The following FHIP1A variants were observed in gnomAD, a reference collection of about 807,000 sequenced individuals.
FHIP1A encodes the protein FHF complex subunit HOOK interacting protein 1A, also known as FHF complex subunit HOOK-interacting protein 1A.
A neutral mutation model predicts 88.6 loss-of-function variants in FHIP1A; 61 were observed. That is an observed-to-expected ratio of 0.69 (90% CI 0.56 to 0.85). The LOEUF (loss-of-function observed/expected upper bound fraction) is 0.85. Among genes scored for constraint, FHIP1A ranks in the 40% least tolerant of loss-of-function variants. The probability of loss-of-function intolerance (pLI) is 0.00; values close to 1 mark genes in which losing one functional copy is unlikely to be tolerated. For missense variants in FHIP1A, 1,154 were observed against 1,273.5 expected (o/e 0.91, Z 1.43); for synonymous variants, 478 against 496.0 (o/e 0.96, Z 0.48).
At chr4:151,528,530 A>G (rs1357933289) in intron 3 of FHIP1A, among the ~76,000 whole-genome samples, 4 of 152,234 alleles carry the variant, frequency 2.6e-5, no homozygotes, top group Admixed American at 1.3e-4. Flanking sequence ...TGCTCCAGAA[A>G]AGCTGGCATA....
chr4:151,514,734 T>C (rs12503389), intron 3 of FHIP1A, among the ~76,000 whole-genome samples: 17,302 of 149,350 alleles, frequency 0.12, 1,125 homozygotes, highest in African/African-American at 0.16. Flanking sequence ...GACACATACA[T>C]CCTCCGAAGA....
intron 2 of FHIP1A, among the ~76,000 whole-genome samples, chr4:151,465,999 A>C (rs1639024946): frequency 6.6e-6 from 1 of 152,204 alleles, no homozygotes; most frequent in African/African-American, 2.4e-5. Flanking sequence ...CCTATTCAAC[A>C]TAGAAATAAA....
At chr4:151,428,107 A>G (rs1422999257) in intron 1 of FHIP1A, among the ~76,000 whole-genome samples, 1 of 152,152 alleles carries the variant, frequency 6.6e-6, no homozygotes, top group East Asian at 1.9e-4. Context: ...GCAAAGAAGT[A>G]ATGTTTATTC....
At chr4:151,464,939 T>A (rs1349281396) in intron 2 of FHIP1A, among the ~76,000 whole-genome samples, 1 of 152,126 alleles carries the variant, frequency 6.6e-6, no homozygotes, top group Non-Finnish European at 1.5e-5. Context: ...TTGGGTGCCA[T>A]GGCTCATGGC....
chr4:151,477,090 A>G (rs1729735533), intron 2 of FHIP1A, among the ~76,000 whole-genome samples: 1 of 152,212 alleles, frequency 6.6e-6, no homozygotes, highest in South Asian at 2.1e-4. Flanking sequence ...AAATAACAAC[A>G]GGATTTTTGG....
chr4:151,591,616 C>G (rs1364074110), intron 7 of FHIP1A, among the ~76,000 whole-genome samples: 2 of 152,160 alleles, frequency 1.3e-5, no homozygotes, highest in Non-Finnish European at 1.5e-5. Context: ...CCCTGGCCCC[C>G]TGACAGGCCC....
intron 7 of FHIP1A, among the ~76,000 whole-genome samples, chr4:151,599,190 A>C (rs917696743): frequency 6.6e-6 from 1 of 152,244 alleles, no homozygotes; most frequent in Non-Finnish European, 1.5e-5. Flanking sequence ...CATAGGTAAT[A>C]TAGGAATTAG....
chr4:151,619,470 T>C (rs1276207879), intron 7 of FHIP1A, among the ~76,000 whole-genome samples: 2 of 152,178 alleles, frequency 1.3e-5, no homozygotes, highest in African/African-American at 2.4e-5. Context: ...AATATCAGAG[T>C]GCATTGCACT....
chr4:151,418,779 G>A (rs1180151307), intron 1 of FHIP1A, among the ~76,000 whole-genome samples: 1 of 152,072 alleles, frequency 6.6e-6, no homozygotes, highest in East Asian at 1.9e-4. Flanking sequence ...GGAGTTGAGA[G>A]TAACTCTGCA....
chr4:151,453,994 C>T (rs1216458696), intron 1 of FHIP1A, among the ~76,000 whole-genome samples: 1 of 152,112 alleles, frequency 6.6e-6, no homozygotes, highest in Non-Finnish European at 1.5e-5. Context: ...TTATGGGACA[C>T]TTTTTAAAAA....
intron 3 of FHIP1A, among the ~76,000 whole-genome samples, chr4:151,535,587 G>T (rs1054237872): frequency 6.6e-6 from 1 of 152,034 alleles, no homozygotes; most frequent in African/African-American, 2.4e-5. Context: ...ATGTGTATTT[G>T]TAACTACACA....
intron 1 of FHIP1A, among the ~76,000 whole-genome samples, chr4:151,411,362 T>A (rs1438712598): frequency 6.7e-6 from 1 of 148,944 alleles, no homozygotes; most frequent in Non-Finnish European, 1.5e-5. Flanking sequence ...TTTTTTTTTT[T>A]AAAGTTAGGG....
chr4:151,499,934 T>A (rs1339787767), intron 3 of FHIP1A, among the ~76,000 whole-genome samples: 2 of 152,186 alleles, frequency 1.3e-5, no homozygotes, highest in Non-Finnish European at 2.9e-5. Context: ...AAGATAAGAT[T>A]TGGGTGGTGA....
chr4:151,485,019 C>G (rs1467780565), intron 3 of FHIP1A, among the ~76,000 whole-genome samples: 1 of 152,038 alleles, frequency 6.6e-6, no homozygotes, highest in Admixed American at 6.5e-5. Flanking sequence ...AAAATCTAGC[C>G]CCAAAACTGT....
At chr4:151,416,592 A>G (rs1458147741) in intron 1 of FHIP1A, among the ~76,000 whole-genome samples, 1 of 152,178 alleles carries the variant, frequency 6.6e-6, no homozygotes, top group African/African-American at 2.4e-5. Context: ...AGGTCATTTA[A>G]TAGAAAACTT....
intron 7 of FHIP1A, among the ~76,000 whole-genome samples, chr4:151,595,876 G>C (rs2126820453): frequency 6.6e-6 from 1 of 152,172 alleles, no homozygotes; most frequent in South Asian, 2.1e-4. Flanking sequence ...CCATTTGCTT[G>C]GTAAATATTC....
At chr4:151,640,153 A>G (rs1475108568) in intron 9 of FHIP1A, among the ~76,000 whole-genome samples, 1 of 152,226 alleles carries the variant, frequency 6.6e-6, no homozygotes, top group East Asian at 1.9e-4. Flanking sequence ...TGTTTTAACA[A>G]ATTCCGGGGG....
chr4:151,522,516 A>G (rs1731483845), intron 3 of FHIP1A, among the ~76,000 whole-genome samples: 1 of 152,226 alleles, frequency 6.6e-6, no homozygotes, highest in Admixed American at 6.5e-5. Context: ...CCAGGTTGGG[A>G]GAGAGGACAG....
chr4:151,614,046 T>G (rs963491414), intron 7 of FHIP1A, among the ~76,000 whole-genome samples: 2 of 151,530 alleles, frequency 1.3e-5, no homozygotes, highest in African/African-American at 4.9e-5. Context: ...GCCTGTAGTC[T>G]GAGCTACTCG....
Sources: gnomAD v4.1 joint callset for allele counts (sites outside exome capture counted in the v4.1 genomes callset) on GRCh38, gnomAD v4.1.1 for gene constraint, MANE v1.5 for transcripts, NCBI Gene and HGNC (gene_info 2026-07-23, HGNC 2026-07-21) for gene names.